ATP6V0D1: variants seen among roughly 807,000 people sequenced by gnomAD.
ATP6V0D1 encodes V-type proton ATPase subunit d 1.
A neutral mutation model predicts 39.0 loss-of-function variants in ATP6V0D1; 13 were observed. The observed-to-expected ratio is 0.33, with a 90% confidence interval of 0.22 to 0.53. ATP6V0D1 has a LOEUF of 0.53. Ranked by LOEUF, ATP6V0D1 falls within the 20% of genes least tolerant of loss-of-function variation. ATP6V0D1 has a pLI of 0.94. For missense variants in ATP6V0D1, 272 were observed against 470.9 expected (o/e 0.58, Z 3.91); for synonymous variants, 191 against 191.2 (o/e 1.00, Z 0.01).
intron 1 of ATP6V0D1, among the ~76,000 whole-genome samples, chr16:67,469,269 T>C (rs111895134): frequency 2.7e-4 from 41 of 152,098 alleles, no homozygotes; most frequent in Admixed American, 3.9e-4. Flanking sequence ...GATTGCGCCA[T>C]TGCACTCCAG....
At chr16:67,449,221 T>C (rs893450222) in intron 2 of ATP6V0D1, among the ~76,000 whole-genome samples, 1 of 152,220 alleles carries the variant, frequency 6.6e-6, no homozygotes, top group African/African-American at 2.4e-5. Flanking sequence ...GCCCAGGCTC[T>C]GCCAATGGGC....
intron 1 of ATP6V0D1, among the ~76,000 whole-genome samples, chr16:67,469,470 C>T (rs893787985): frequency 6.6e-6 from 1 of 152,186 alleles, no homozygotes; most frequent in South Asian, 2.1e-4. Context: ...AGTGGCTATA[C>T]CTGGACAGGG....
intron 3 of ATP6V0D1, chr16:67,443,534 G>T (rs1323068730): frequency 4.3e-6 from 1 of 232,800 alleles, no homozygotes; most frequent in Middle Eastern, 1.5e-3. Context: ...TGGATTCGGG[G>T]CCTAACGCCT....
rs2041086705 is a variant in ATP6V0D1 at position 67,444,089 on chromosome 16, G to A, written c.481+439C>T. 6.6e-6 allele frequency among the ~76,000 whole-genome samples: 1 copy of A among 152,240 alleles called. No homozygotes were observed. The highest frequency in any genetic ancestry group is 1.9e-4 in the East Asian group (1 of 5,204). On this transcript the variant is annotated intron_variant, in intron 3 of 7. Coordinates refer to ENST00000290949, the MANE Select transcript of ATP6V0D1 (RefSeq NM_004691.5). This position sits in a 1 kb window ranked among gnomAD's most constrained non-coding sequence, Gnocchi z 4.8. ...CTGTCTGACCTGGCCCAGGGGACCTGCTCGGTGGAGGGAAGTGGCAGTGTT... is the reference window on the plus strand; with the variant it reads ...CTGTCTGACCTGGCCCAGGGGACCTACTCGGTGGAGGGAAGTGGCAGTGTT...
intron 4 of ATP6V0D1, chr16:67,439,558 C>CA (rs1256910075): frequency 1.8e-5 from 11 of 601,232 alleles, no homozygotes; most frequent in Non-Finnish European, 3.3e-5. Context: ...CACAGCCTCC[C>CA]ACCCAGGAGT....
In ATP6V0D1 at chr16:67,453,964, T is replaced by A. The variant is rs1325147958; in HGVS notation, c.131-249A>T. 6.6e-6 allele frequency among the ~76,000 whole-genome samples: 1 copy of A among 152,168 alleles called. No individual in the cohort carries two copies. Among genetic ancestry groups the A allele is most frequent in the Non-Finnish European group, 1.5e-5 (1 of 68,012 alleles). On this transcript the variant is annotated intron_variant, in intron 1 of 7. Transcript: ENST00000290949. This position sits in a 1 kb window ranked among gnomAD's most constrained non-coding sequence, Gnocchi z 4.1. ...CAAAGTTCGAGCATAAGAGGAACAG[T>A]TCCTCCCCAAGATGACAAGAAAGCC...
Position 67,438,461 on chromosome 16 carries a change from GCACACACACGCGCACACACACACACA to G in ATP6V0D1, c.*41_*66del. ...TGTCACAGACCACATACACACACAC[GCACACACACGCGCACACACACACACA>G]CACACACAAAGAGTGCAATTGAGAG... On this transcript the variant is annotated 3_prime_UTR_variant, in exon 8 of 8. Coordinates refer to ENST00000290949, the MANE Select transcript of ATP6V0D1 (RefSeq NM_004691.5). 1.3e-6 allele frequency: 2 copies of G among 1,536,484 alleles called. No homozygotes were observed. The highest frequency in any genetic ancestry group is 1.9e-5 in the Admixed American group (1 of 53,604).
At chr16:67,452,361 C>T in intron 2 of ATP6V0D1, 5 of 1,535,712 alleles carry the variant, frequency 3.3e-6, no homozygotes, top group Non-Finnish European at 4.4e-6. Flanking sequence ...TGACTCCTGC[C>T]TGAGAATGGA....
rs1327171276 is a variant in ATP6V0D1 at position 67,444,869 on chromosome 16, T to C, written c.303-163A>G. On this transcript the variant is annotated intron_variant, in intron 2 of 7. Coordinates refer to ENST00000290949, the MANE Select transcript of ATP6V0D1 (RefSeq NM_004691.5). The surrounding 1 kb of genome is among the most constrained non-coding windows in gnomAD (Gnocchi z 4.8). ...CACCAGTGTCTCCTCTCCCTCCCCA[T>C]GTTCCTCTCAAGCTTCTGACCACCC... Among the ~76,000 whole-genome samples, 2 of 152,134 alleles carry C rather than the reference T, an allele frequency of 1.3e-5. No homozygotes were observed. Among genetic ancestry groups the C allele is most frequent in the African/African-American group, 4.8e-5 (2 of 41,430 alleles).
chr16:67,476,523 T>A (rs2041415896), intron 1 of ATP6V0D1, among the ~76,000 whole-genome samples: 1 of 152,186 alleles, frequency 6.6e-6, no homozygotes, highest in Non-Finnish European at 1.5e-5. Flanking sequence ...AGCATTTATC[T>A]TAACCTCTCC....
intron 1 of ATP6V0D1, among the ~76,000 whole-genome samples, chr16:67,474,276 A>G (rs1597584716): frequency 6.6e-6 from 1 of 152,242 alleles, no homozygotes; most frequent in Middle Eastern, 3.4e-3. Context: ...CATCTCAGAG[A>G]CCCTAATATT....
At chr16:67,442,822 C>T (rs1004576086) in intron 4 of ATP6V0D1, among the ~76,000 whole-genome samples, 1 of 152,160 alleles carries the variant, frequency 6.6e-6, no homozygotes, top group African/African-American at 2.4e-5. Flanking sequence ...GCTGGGGGAG[C>T]GGCTGTCCAG....
At chr16:67,464,174 T>A (rs2041311188) in intron 1 of ATP6V0D1, among the ~76,000 whole-genome samples, 1 of 152,178 alleles carries the variant, frequency 6.6e-6, no homozygotes, top group Non-Finnish European at 1.5e-5. Context: ...AGTTTCAAGC[T>A]AGATCCCATG....
chr16:67,469,592 G>T (rs2041356982), intron 1 of ATP6V0D1, among the ~76,000 whole-genome samples: 1 of 152,014 alleles, frequency 6.6e-6, no homozygotes, highest in Non-Finnish European at 1.5e-5. Flanking sequence ...GGCTTCATGG[G>T]GGTTCCCTAA....
At position 67,460,971 on chromosome 16, in the gene ATP6V0D1, C is replaced by T. The variant is rs1418448392; in HGVS notation, c.131-7256G>A. ...CTTGTGGAATCTCTCTGGAACCAGGCCCCTGGCCAGTCACCAGGTAACAGG... is the reference window on the plus strand; with the variant it reads ...CTTGTGGAATCTCTCTGGAACCAGGTCCCTGGCCAGTCACCAGGTAACAGG... On this transcript the variant is annotated intron_variant, in intron 1 of 7. Coordinates refer to ENST00000290949, the MANE Select transcript of ATP6V0D1 (RefSeq NM_004691.5). Among the ~76,000 whole-genome samples the T allele has an allele frequency of 2.6e-5, 4 of 152,212 alleles. No individual in the cohort carries two copies. The East Asian group carries it at 7.7e-4, about 29-fold the overall frequency.
In ATP6V0D1 at chr16:67,456,409, G is replaced by T. The variant is rs1222309379; in HGVS notation, c.131-2694C>A. The T allele has an allele frequency of 6.6e-6, 1 of 152,228 alleles. No homozygotes were observed. Among genetic ancestry groups the T allele is most frequent in the Admixed American group, 6.5e-5 (1 of 15,288 alleles). 9.4% of individuals were successfully genotyped at this position (152,228 alleles called of 1,614,324 possible). A position where few individuals can be genotyped will look rare whatever the true frequency, so the allele number is the denominator to read the frequency against. On this transcript the variant is annotated intron_variant, in intron 1 of 7. Coordinates refer to ENST00000290949, the MANE Select transcript of ATP6V0D1 (RefSeq NM_004691.5). This position sits in a 1 kb window ranked among gnomAD's most constrained non-coding sequence, Gnocchi z 4.1. ...ATATTAACTGGTTCCTCTTACTGTG[G>T]TATTAAAATGAAGCCTTCTTAATTT...
At position 67,456,498 on chromosome 16, in the gene ATP6V0D1, C is replaced by T. The variant is rs2041239263; in HGVS notation, c.131-2783G>A. 1 of 152,232 alleles carries T rather than the reference C, an allele frequency of 6.6e-6. No homozygotes were observed. The highest frequency in any genetic ancestry group is 1.5e-5 in the Non-Finnish European group (1 of 68,042). 9.4% of individuals were successfully genotyped at this position (152,232 alleles called of 1,614,324 possible). On this transcript the variant is annotated intron_variant, in intron 1 of 7. Transcript: ENST00000290949. The surrounding 1 kb of genome is among the most constrained non-coding windows in gnomAD (Gnocchi z 4.1). ...GGTTCTGGCCCAGGCCCAGCAAGTG[C>T]TGAAATCTCCACTAGGGGAAGCTGC...
intron 3 of ATP6V0D1, 110 bp from the exon 4 acceptor site, chr16:67,443,288 G>A (rs1374636972): frequency 1.6e-5 from 17 of 1,039,450 alleles, no homozygotes; most frequent in Non-Finnish European, 2.5e-5. Context: ...CCACAGGGCT[G>A]GGTATTGAGG....
In ATP6V0D1 at chr16:67,444,932, A is replaced by G. The variant is rs1028307544; in HGVS notation, c.303-226T>C. On this transcript the variant is annotated intron_variant, in intron 2 of 7. Coordinates refer to ENST00000290949, the MANE Select transcript of ATP6V0D1 (RefSeq NM_004691.5). The surrounding 1 kb of genome is among the most constrained non-coding windows in gnomAD (Gnocchi z 4.8). ...GCCTAGGACAGACACAGGCCCCCCA[A>G]ACGGGCGGGGGCAGGGGATTCATGC... Among the ~76,000 whole-genome samples, 5 of 152,150 alleles carry G rather than the reference A, an allele frequency of 3.3e-5. No homozygotes were observed. The highest frequency in any genetic ancestry group is 1.2e-4 in the African/African-American group (5 of 41,452).
Sources: gnomAD v4.1 joint callset for allele counts (sites outside exome capture counted in the v4.1 genomes callset) on GRCh38, gnomAD v4.1.1 for gene constraint, Gnocchi (gnomAD v3.1) non-coding constraint, MANE v1.5 for transcripts, NCBI Gene and HGNC (gene_info 2026-07-23, HGNC 2026-07-21) for gene names.